Variants in VIT observed in about 807,000 individuals in gnomAD.
VIT encodes vitrin.
A neutral mutation model predicts 78.0 loss-of-function variants in VIT; 99 were observed. The ratio of observed to expected loss-of-function variants is 1.27; its 90% CI spans 1.08 to 1.50. The LOEUF is 1.50. VIT is among the 40% of genes most tolerant of loss of function. The probability of loss-of-function intolerance (pLI) is 0.00; values close to 1 mark genes in which losing one functional copy is unlikely to be tolerated. For missense variants in VIT, 1,126 were observed against 875.3 expected (o/e 1.29, Z -3.61); for synonymous variants, 374 against 334.3 (o/e 1.12, Z -1.29).
At chr2:36,702,684 G>T (rs1048888697) in intron 1 of VIT, among the ~76,000 whole-genome samples, 2 of 152,138 alleles carry the variant, frequency 1.3e-5, no homozygotes, top group Non-Finnish European at 2.9e-5. Context: ...AAAGGTGAGA[G>T]GCAGGGACAG....
chr2:36,806,901 A>C (rs940718945), intron 14 of VIT, among the ~76,000 whole-genome samples: 4 of 152,040 alleles, frequency 2.6e-5, no homozygotes, highest in African/African-American at 9.7e-5. Context: ...ATCCATTTTC[A>C]GCTGACTGAC....
chr2:36,786,656 C>A (rs1665115785), intron 11 of VIT, among the ~76,000 whole-genome samples: 1 of 152,236 alleles, frequency 6.6e-6, no homozygotes, highest in Non-Finnish European at 1.5e-5. Flanking sequence ...ATTTCTTATT[C>A]TATAATTCCT....
In VIT at chr2:36,707,197, A is replaced by C. The variant is rs948277992; in HGVS notation, c.-18-9156A>C. On this transcript the variant is annotated intron_variant, in intron 1 of 15. Coordinates refer to ENST00000379242, the MANE Select transcript of VIT (RefSeq NM_053276.4). ...AAGTGAAAGGGAAATGTATTATCTC[A>C]CATAACAGACAGTCCAGGGGCAGGC... Among the ~76,000 whole-genome samples, 4 of 152,182 alleles carry C rather than the reference A, an allele frequency of 2.6e-5. No homozygotes were observed. In the East Asian group the frequency reaches 7.7e-4, roughly 29 times the overall value.
At chr2:36,715,738 T>C (rs934619208) in intron 1 of VIT, among the ~76,000 whole-genome samples, 2 of 152,274 alleles carry the variant, frequency 1.3e-5, no homozygotes, top group Middle Eastern at 3.4e-3. Flanking sequence ...TACTATTAAA[T>C]AATATGCAGC....
intron 9 of VIT, among the ~76,000 whole-genome samples, chr2:36,776,318 TCAA>T (rs1167567422): frequency 2.0e-5 from 3 of 152,086 alleles, no homozygotes; most frequent in African/African-American, 4.8e-5. Flanking sequence ...TCCACATATT[TCAA>T]CAACAACAAC....
intron 6 of VIT, chr2:36,759,433 C>A: frequency 7.9e-7 from 1 of 1,268,510 alleles, no homozygotes; most frequent in Admixed American, 3.7e-5. Context: ...GCAAAGAGAA[C>A]GAGGTGGTTT....
chr2:36,716,869 C>CTTTTTT (rs557873230), intron 2 of VIT, among the ~76,000 whole-genome samples: 11 of 78,682 alleles, frequency 1.4e-4, no homozygotes, highest in East Asian at 8.1e-4. Flanking sequence ...AGAGATGATT[C>CTTTTTT]TTTTTTTTTT....
rs138123495 is a variant in VIT, at chr2:36,765,657, G to GA, written c.488-1434dup. Among the ~76,000 whole-genome samples the GA allele has an allele frequency of 9.6e-3, 1,461 of 152,316 alleles. 27 individuals carry two copies. Among genetic ancestry groups the GA allele is most frequent in the African/African-American group, 0.034 (1,400 of 41,572 alleles). On this transcript the variant is annotated intron_variant, in intron 6 of 15. Coordinates refer to ENST00000379242, the MANE Select transcript of VIT (RefSeq NM_053276.4). Reference sequence around the variant, plus strand: ...AGAGGTCATATGACGACGGAGCAGAGAAACAACTGAAGATGCTGGCCTTGA... The same window carrying GA: ...AGAGGTCATATGACGACGGAGCAGAGAAAACAACTGAAGATGCTGGCCTTGA...
intron 2 of VIT, among the ~76,000 whole-genome samples, chr2:36,717,205 C>T (rs1387162877): frequency 1.7e-5 from 2 of 115,028 alleles, no homozygotes; most frequent in Admixed American, 2.0e-4. Context: ...TTTTTTGAGA[C>T]GGAGTCTCTG....
At chr2:36,801,963 G>C (rs1173808362) in intron 13 of VIT, among the ~76,000 whole-genome samples, 1 of 151,944 alleles carries the variant, frequency 6.6e-6, no homozygotes. Flanking sequence ...TTTTTTTGTT[G>C]GCCTACAAGT....
intron 13 of VIT, among the ~76,000 whole-genome samples, chr2:36,804,104 G>C (rs949749785): frequency 6.6e-6 from 1 of 152,218 alleles, no homozygotes; most frequent in Admixed American, 6.5e-5. Context: ...GCCCTTCTCA[G>C]TGTGAAATAT....
intron 3 of VIT, among the ~76,000 whole-genome samples, chr2:36,733,546 G>C (rs1330043847): frequency 6.8e-6 from 1 of 148,136 alleles, no homozygotes; most frequent in Non-Finnish European, 1.5e-5. Context: ...CTCCTTTGTA[G>C]CAATATTTGA....
At chr2:36,785,545 C>A (rs1039640212) in intron 11 of VIT, among the ~76,000 whole-genome samples, 1 of 152,174 alleles carries the variant, frequency 6.6e-6, no homozygotes, top group African/African-American at 2.4e-5. Context: ...TTGCCTCTTT[C>A]ATTCTTCATC....
At chr2:36,800,042 G>A (rs1365625290) in intron 12 of VIT, among the ~76,000 whole-genome samples, 6 of 122,148 alleles carry the variant, frequency 4.9e-5, no homozygotes, top group African/African-American at 2.0e-4. Flanking sequence ...GCGAGACTCC[G>A]TCTCAAAAAA....
rs1489183049 is a variant in VIT at position 36,814,627 on chromosome 2, A to G, written c.*266A>G. The G allele has an allele frequency of 9.2e-6, 4 of 432,708 alleles. No individual in the cohort carries two copies. The Admixed American group carries it at 1.6e-4, about 17-fold the overall frequency. The allele number at this position is 432,708 out of a possible 1,614,324, so 26.8% of individuals were successfully genotyped here. A position where few individuals can be genotyped will look rare whatever the true frequency, so the allele number is the denominator to read the frequency against. On this transcript the variant is annotated 3_prime_UTR_variant, in exon 16 of 16. Coordinates refer to ENST00000379242, the MANE Select transcript of VIT (RefSeq NM_053276.4). ...TTACATTTTGACAATTGTTTTCAAA[A>G]TAAATGTTCGGAATACAGTGCAGCC...
chr2:36,713,022 G>T (rs1665901557), intron 1 of VIT, among the ~76,000 whole-genome samples: 1 of 152,180 alleles, frequency 6.6e-6, no homozygotes, highest in African/African-American at 2.4e-5. Context: ...CCCTTTTGGA[G>T]CTTGCATCAT....
intron 4 of VIT, among the ~76,000 whole-genome samples, chr2:36,754,146 G>A (rs1668630208): frequency 6.6e-6 from 1 of 152,154 alleles, no homozygotes; most frequent in Admixed American, 6.5e-5. Context: ...AGGGTTGAAC[G>A]TTGTTGACTC....
chr2:36,723,972 G>A (rs1018978468), intron 2 of VIT, among the ~76,000 whole-genome samples: 1 of 142,002 alleles, frequency 7.0e-6, no homozygotes, highest in African/African-American at 2.5e-5. Flanking sequence ...AAAAGAGAGG[G>A]GAGGGGAGGG....
intron 1 of VIT, among the ~76,000 whole-genome samples, chr2:36,708,446 T>C (rs889290196): frequency 6.6e-6 from 1 of 152,116 alleles, no homozygotes; most frequent in Non-Finnish European, 1.5e-5. Context: ...CTAGGGCAGA[T>C]TTTTTTCCAA....
Sources: gnomAD v4.1 joint callset for allele counts (sites outside exome capture counted in the v4.1 genomes callset) on GRCh38, gnomAD v4.1.1 for gene constraint, MANE v1.5 for transcripts, NCBI Gene and HGNC (gene_info 2026-07-23, HGNC 2026-07-21) for gene names.